The following NEK1 variants were observed in gnomAD, a reference collection of about 807,000 sequenced individuals.
The protein encoded by NEK1 is serine/threonine-protein kinase Nek1.
Under a neutral mutation model 182.1 loss-of-function variants are expected in NEK1, and 137 were observed. The ratio of observed to expected loss-of-function variants is 0.75; its 90% CI spans 0.65 to 0.87. The LOEUF (loss-of-function observed/expected upper bound fraction) is 0.87. Among genes scored for constraint, NEK1 ranks in the 40% least tolerant of loss-of-function variants. The pLI is 0.00. For missense variants in NEK1, 1,391 were observed against 1,494.4 expected, an observed-to-expected ratio of 0.93 and a Z score of 1.14; for synonymous variants, 513 against 492.2, an observed-to-expected ratio of 1.04 and a Z score of -0.56.
chr4:169,559,131 G>A (rs1361551604), intron 16 of NEK1, among the ~76,000 whole-genome samples: 1 of 152,162 alleles, frequency 6.6e-6, no homozygotes, highest in African/African-American at 2.4e-5. Context: ...TACACAGTAT[G>A]TAACTTGAAA....
At chr4:169,575,949 T>C (rs1340877101) in intron 12 of NEK1, among the ~76,000 whole-genome samples, 2 of 151,806 alleles carry the variant, frequency 1.3e-5, no homozygotes, top group Non-Finnish European at 2.9e-5. Context: ...TTTATTATTA[T>C]AATTTTTCTA....
chr4:169,548,899 C>T (rs556417070), intron 18 of NEK1, among the ~76,000 whole-genome samples: 2 of 152,372 alleles, frequency 1.3e-5, no homozygotes, highest in East Asian at 3.9e-4. Flanking sequence ...TCTGAGCTTG[C>T]TGGGCTCTGT....
At chr4:169,581,457 T>G (rs1766640602) in intron 10 of NEK1, among the ~76,000 whole-genome samples, 1 of 152,010 alleles carries the variant, frequency 6.6e-6, no homozygotes. Flanking sequence ...TTTTTTGGTT[T>G]ATTTTTTATG....
rs763032744 is a variant in NEK1 at position 169,406,791 on chromosome 4, T to C, written c.3223-44A>G. ...AATTTCTTATTAGGAGAAAGATAAT[T>C]AAAACATAAAAATGAGAGAAAACTA... On this transcript the variant is annotated intron_variant, in intron 31 of 35. Transcript: ENST00000507142. 9 of 1,479,144 alleles carry C rather than the reference T, an allele frequency of 6.1e-6. No individual in the cohort carries two copies. In the East Asian group the frequency reaches 1.6e-4, roughly 27 times the overall value. The allele number at this position is 1,479,144 out of a possible 1,614,324, so 91.6% of individuals were successfully genotyped here. A position where few individuals can be genotyped will look rare whatever the true frequency, so the allele number is the denominator to read the frequency against.
rs370304829 is a variant in NEK1 at position 169,577,093 on chromosome 4, T to C, written c.869-14A>G. 7 of 1,612,770 alleles carry C rather than the reference T, an allele frequency of 4.3e-6. No individual in the cohort carries two copies. The African/African-American group carries it at 6.7e-5, about 15-fold the overall frequency. ...CTGGTCTTTTAGCTAGATGAAAAGA[T>C]ACAAAGAATTTTGTCTGCAGTTCTT... On this transcript the variant is annotated splice_polypyrimidine_tract_variant and intron_variant, in intron 11 of 35. Coordinates refer to ENST00000507142, the MANE Select transcript of NEK1 (RefSeq NM_001199397.3).
At chr4:169,437,824 T>G (rs1004263238) in intron 28 of NEK1, among the ~76,000 whole-genome samples, 3 of 151,952 alleles carry the variant, frequency 2.0e-5, no homozygotes, top group Non-Finnish European at 4.4e-5. Context: ...TTAGGAAAAA[T>G]CACATTAGAC....
intron 35 of NEK1, among the ~76,000 whole-genome samples, chr4:169,397,545 G>A (rs1730938285): frequency 6.6e-6 from 1 of 152,012 alleles, no homozygotes; most frequent in Non-Finnish European, 1.5e-5. Context: ...AGAAAAGATT[G>A]CCAGGGTAGG....
At chr4:169,483,102 C>G (rs1310020830) in intron 23 of NEK1, among the ~76,000 whole-genome samples, 1 of 152,178 alleles carries the variant, frequency 6.6e-6, no homozygotes, top group Non-Finnish European at 1.5e-5. Context: ...TACTTGAATA[C>G]TTAAGAGGCC....
intron 18 of NEK1, among the ~76,000 whole-genome samples, chr4:169,539,636 C>T (rs1759076343): frequency 6.6e-6 from 1 of 152,032 alleles, no homozygotes; most frequent in Non-Finnish European, 1.5e-5. Context: ...AGGCTGTATT[C>T]TGTTTTGCTA....
chr4:169,476,703 C>T (rs967025485), intron 26 of NEK1, among the ~76,000 whole-genome samples: 4 of 152,044 alleles, frequency 2.6e-5, no homozygotes, highest in African/African-American at 9.7e-5. Flanking sequence ...CAGTAATTAT[C>T]ACCGAATATA....
chr4:169,527,177 G>A (rs1375697153), intron 19 of NEK1, among the ~76,000 whole-genome samples: 1 of 152,172 alleles, frequency 6.6e-6, no homozygotes, highest in African/African-American at 2.4e-5. Flanking sequence ...ATTTTTACGT[G>A]AGAAAAGAAA....
At chr4:169,471,112 C>T (rs892940479) in intron 26 of NEK1, among the ~76,000 whole-genome samples, 1 of 152,172 alleles carries the variant, frequency 6.6e-6, no homozygotes, top group African/African-American at 2.4e-5. Flanking sequence ...CCTTCTGAAG[C>T]CTACTTCTGT....
rs372753746 is a variant in NEK1, at chr4:169,406,736, T to C, written c.3234A>G (p.Thr1078=). The stretch of plus-strand genomic sequence containing the variant: ...GCTTTGAGAGATCTGGAAGTGAACA[T>C]GTCCTTAACATCTAAAATAAAAATC... The part of the protein sequence containing the change: ...FDANNPKMLR[T]CSLPDLSKLF... Residue 1078 remains threonine (T), a synonymous_variant, in exon 32 of 36, where the codon ACA becomes ACG. Coordinates refer to ENST00000507142, the MANE Select transcript of NEK1 (RefSeq NM_001199397.3). 2.5e-5 allele frequency: 39 copies of C among 1,580,958 alleles called. No homozygotes were observed. The highest frequency in any genetic ancestry group is 3.2e-5 in the Non-Finnish European group (38 of 1,169,342).
intron 23 of NEK1, among the ~76,000 whole-genome samples, chr4:169,483,806 C>T (rs1291825492): frequency 7.1e-6 from 1 of 140,804 alleles, no homozygotes; most frequent in Non-Finnish European, 1.5e-5. Flanking sequence ...GCAGAGGTTG[C>T]AGTGAGCCGA....
intron 29 of NEK1, among the ~76,000 whole-genome samples, chr4:169,427,208 C>T (rs980474593): frequency 7.2e-5 from 11 of 151,800 alleles, no homozygotes; most frequent in East Asian, 1.9e-4. Flanking sequence ...CTCACTGCAA[C>T]CTCTGCCTCC....
rs115370641 is a variant in NEK1 at position 169,441,816 on chromosome 4, C to T, written c.2588-3557G>A. ...TCCTGCCCAACATAAACTGCCTGCA[C>T]ATGCACCACACAGGGGCCCAAGTAT... On this transcript the variant is annotated intron_variant, in intron 27 of 35. Coordinates refer to ENST00000507142, the MANE Select transcript of NEK1 (RefSeq NM_001199397.3). 6.1e-3 allele frequency among the ~76,000 whole-genome samples: 932 copies of T among 152,262 alleles called. 14 individuals are homozygous for T. Among genetic ancestry groups the T allele is most frequent in the African/African-American group, 0.022 (896 of 41,548 alleles).
intron 23 of NEK1, among the ~76,000 whole-genome samples, chr4:169,484,738 G>A (rs987052993): frequency 2.0e-5 from 3 of 152,160 alleles, no homozygotes; most frequent in African/African-American, 7.2e-5. Context: ...GATAAAGTAG[G>A]ACAGTTGTAC....
intron 31 of NEK1, among the ~76,000 whole-genome samples, chr4:169,410,963 TTC>T (rs1298427896): frequency 6.6e-6 from 1 of 152,232 alleles, no homozygotes; most frequent in African/African-American, 2.4e-5. Context: ...GTCCTTCCTG[TTC>T]TCTTTCTCAG....
chr4:169,441,319 C>T (rs1033906092), intron 27 of NEK1, among the ~76,000 whole-genome samples: 1 of 152,236 alleles, frequency 6.6e-6, no homozygotes, highest in African/African-American at 2.4e-5. Context: ...GAGGTCAGGC[C>T]TGGCCCACTC....
Sources: gnomAD v4.1 joint callset for allele counts (sites outside exome capture counted in the v4.1 genomes callset) on GRCh38, gnomAD v4.1.1 for gene constraint, MANE v1.5 for transcripts, NCBI Gene and HGNC (gene_info 2026-07-23, HGNC 2026-07-21) for gene names.